ABCC4: variants seen among roughly 807,000 people sequenced by gnomAD.
ABCC4 encodes the protein ATP binding cassette subfamily C member 4 (PEL blood group).
ABCC4 carries 102 observed loss-of-function variants against 168.5 expected under a neutral mutation model. The ratio of observed to expected loss-of-function variants is 0.61; its 90% CI spans 0.52 to 0.71. The LOEUF (loss-of-function observed/expected upper bound fraction) is 0.71, where lower values mean the gene tolerates loss of function less well. ABCC4 is among the 30% of genes least tolerant of loss of function. The pLI is 0.00. For missense variants in ABCC4, 1,402 were observed against 1,605.8 expected (o/e 0.87, Z 2.17); for synonymous variants, 617 against 590.7 (o/e 1.04, Z -0.65).
chr13:95,221,696 G>T (rs1170612370), intron 4 of ABCC4, among the ~76,000 whole-genome samples: 1 of 150,284 alleles, frequency 6.7e-6, no homozygotes, highest in East Asian at 1.9e-4. Context: ...TCAGGGCAGG[G>T]CAATGAAAAA....
At chr13:95,131,923 G>A (rs541778328) in intron 19 of ABCC4, among the ~76,000 whole-genome samples, 4 of 152,064 alleles carry the variant, frequency 2.6e-5, no homozygotes, top group South Asian at 2.1e-4. Context: ...CACAATTACC[G>A]CATGATCCAG....
At chr13:95,208,452 G>C (rs939404436) in intron 6 of ABCC4, among the ~76,000 whole-genome samples, 2 of 151,656 alleles carry the variant, frequency 1.3e-5, no homozygotes, top group African/African-American at 4.8e-5. Flanking sequence ...TACACCATAA[G>C]CAAAAGCATA....
At position 95,234,643 on chromosome 13, in the gene ABCC4, T is replaced by C. The variant is rs1251337048; in HGVS notation, c.498A>G (p.Leu166=). 6.2e-7 allele frequency: 1 copy of C among 1,614,134 alleles called. No homozygotes were observed. Among genetic ancestry groups the C allele is most frequent in the East Asian group, 2.2e-5 (1 of 44,880 alleles). Residue 166 remains leucine (L), a synonymous_variant, in exon 4 of 31, where the codon TTA becomes TTG. Coordinates refer to ENST00000645237, the MANE Select transcript of ABCC4 (RefSeq NM_005845.5). ...AAATCATATGGCACATGGCTACTCG[T>C]AACCTCATCCCAGCACACTGAACGT... ...FYHVQCAGMR[L]RVAMCHMIYR...
At chr13:95,072,149 C>G (rs115855116) in intron 24 of ABCC4, among the ~76,000 whole-genome samples, 2 of 152,188 alleles carry the variant, frequency 1.3e-5, no homozygotes, top group Non-Finnish European at 2.9e-5. Context: ...GAAAGGAATA[C>G]TTAGAGCCAC....
chr13:95,170,714 AGAC>A, intron 13 of ABCC4, 86 bp from the exon 14 acceptor site: 1 of 760,216 alleles, frequency 1.3e-6, no homozygotes, highest in Non-Finnish European at 2.1e-6. Flanking sequence ...CCGTAGTCAA[AGAC>A]AACACAGTAG....
rs552097852 is a variant in ABCC4, at chr13:95,069,197, G to A, written c.3210+2465C>T. 2.8e-4 allele frequency among the ~76,000 whole-genome samples: 42 copies of A among 152,276 alleles called. 1 individual carries two copies. Among genetic ancestry groups the A allele is most frequent in the Non-Finnish European group, 3.5e-4 (24 of 68,034 alleles). On this transcript the variant is annotated intron_variant, in intron 25 of 30. Coordinates refer to ENST00000645237, the MANE Select transcript of ABCC4 (RefSeq NM_005845.5). ...TGACACCCAGAGAACGGGCTGTTGC[G>A]GGAGCTGTCGTGTGTGTTTTGTTAC...
At chr13:95,082,867 CCT>C (rs1303770337) in intron 21 of ABCC4, among the ~76,000 whole-genome samples, 1 of 151,998 alleles carries the variant, frequency 6.6e-6, no homozygotes, top group African/African-American at 2.4e-5. Context: ...ACGGAGAGTC[CCT>C]GTCTTCACAG....
intron 1 of ABCC4, among the ~76,000 whole-genome samples, chr13:95,300,794 G>A (rs1372110155): frequency 6.6e-6 from 1 of 152,250 alleles, no homozygotes; most frequent in Non-Finnish European, 1.5e-5. Context: ...TAAAAAGAAA[G>A]GAAAAGGTGC....
At chr13:95,169,436 G>T (rs1341223005) in intron 14 of ABCC4, among the ~76,000 whole-genome samples, 2 of 152,114 alleles carry the variant, frequency 1.3e-5, no homozygotes, top group Non-Finnish European at 2.9e-5. Context: ...TAGTTCCAGG[G>T]CCTCTGACAA....
At chr13:95,284,706 G>A (rs2041216243) in intron 1 of ABCC4, among the ~76,000 whole-genome samples, 2 of 152,180 alleles carry the variant, frequency 1.3e-5, no homozygotes, top group Admixed American at 1.3e-4. Flanking sequence ...AGGGACCAGG[G>A]TCACTGTATT....
At chr13:95,112,435 G>C (rs1594114721) in intron 20 of ABCC4, among the ~76,000 whole-genome samples, 1 of 151,998 alleles carries the variant, frequency 6.6e-6, no homozygotes. Flanking sequence ...CTCAGCTTTA[G>C]TAAGAATAAC....
intron 30 of ABCC4, 60 bp from the exon 31 acceptor site, chr13:95,021,742 G>T: frequency 8.6e-7 from 1 of 1,158,044 alleles, no homozygotes; most frequent in Non-Finnish European, 1.3e-6. Flanking sequence ...TCTCCTCCCT[G>T]AAACAATGCA....
chr13:95,139,016 C>T (rs1158894602), intron 19 of ABCC4, among the ~76,000 whole-genome samples: 4 of 152,192 alleles, frequency 2.6e-5, no homozygotes, highest in Admixed American at 6.5e-5. Context: ...GTCTCCTGTA[C>T]TCCCGTGGCC....
intron 3 of ABCC4, among the ~76,000 whole-genome samples, chr13:95,236,013 C>A (rs887351984): frequency 2.6e-5 from 4 of 152,152 alleles, no homozygotes; most frequent in African/African-American, 9.7e-5. Flanking sequence ...GGCTTACCTT[C>A]TGAACAAGAT....
intron 26 of ABCC4, among the ~76,000 whole-genome samples, chr13:95,058,566 T>A (rs1359633666): frequency 2.0e-4 from 1 of 5,022 alleles, no homozygotes; most frequent in African/African-American, 6.5e-4. Flanking sequence ...AGACTCCATC[T>A]CAAAAAAAAA....
intron 26 of ABCC4, among the ~76,000 whole-genome samples, chr13:95,061,637 T>TG (rs2033300366): frequency 7.4e-6 from 1 of 134,876 alleles, no homozygotes; most frequent in African/African-American, 2.7e-5. Flanking sequence ...TGTGTGTGTG[T>TG]TCCTCAGCTC....
At chr13:95,260,935 C>T (rs2040516960) in intron 1 of ABCC4, among the ~76,000 whole-genome samples, 1 of 151,366 alleles carries the variant, frequency 6.6e-6, no homozygotes, top group Admixed American at 6.7e-5. Flanking sequence ...GCACAATTCT[C>T]ACCTCCCCTG....
chr13:95,164,879 T>C (rs1353026735), intron 15 of ABCC4, among the ~76,000 whole-genome samples: 1 of 152,048 alleles, frequency 6.6e-6, no homozygotes, highest in Non-Finnish European at 1.5e-5. Context: ...TATTTTTTAG[T>C]GAAGACAGGT....
chr13:95,186,650 A>T (rs769490301), intron 11 of ABCC4, 51 bp downstream of exon 11: 2 of 1,517,250 alleles, frequency 1.3e-6, no homozygotes, highest in Non-Finnish European at 1.8e-6. Flanking sequence ...TCAAGTGAAC[A>T]CTAGTATTAC....
Sources: gnomAD v4.1 joint callset for allele counts (sites outside exome capture counted in the v4.1 genomes callset) on GRCh38, gnomAD v4.1.1 for gene constraint, MANE v1.5 for transcripts, NCBI Gene and HGNC (gene_info 2026-07-23, HGNC 2026-07-21) for gene names.